CSMD3: variants seen among roughly 807,000 people sequenced by gnomAD.
CSMD3 encodes CUB and sushi domain-containing protein 3.
Under a neutral mutation model 435.2 loss-of-function variants are expected in CSMD3, and 177 were observed. The observed-to-expected ratio is 0.41, with a 90% CI of 0.36 to 0.46. The LOEUF (loss-of-function observed/expected upper bound fraction) is 0.46, where lower values mean the gene tolerates loss of function less well. CSMD3 is among the 20% of genes least tolerant of loss of function. The pLI is 0.34. For missense variants in CSMD3, 4,265 were observed against 4,504.6 expected (o/e 0.95, Z 1.52); for synonymous variants, 1,656 against 1,520.5 (o/e 1.09, Z -2.07).
In CSMD3 at chr8:112,666,179, C is replaced by A. The variant is rs1412786481; in HGVS notation, c.2816+98G>T. 3 of 963,184 alleles carry A rather than the reference C, an allele frequency of 3.1e-6. No homozygotes were observed. In the East Asian group the frequency reaches 7.8e-5, roughly 25 times the overall value. The allele number at this position is 963,184 out of a possible 1,614,324, so 59.7% of individuals were successfully genotyped here. On this transcript the variant is annotated intron_variant, in intron 17 of 70. Coordinates refer to ENST00000297405, the MANE Select transcript of CSMD3 (RefSeq NM_198123.2). Reference sequence around the variant, plus strand: ...TTCAAAGCACAGCAATTGACTATTACAATAAAATTAAACATTCATTTGGTA... The same window carrying A: ...TTCAAAGCACAGCAATTGACTATTAAAATAAAATTAAACATTCATTTGGTA...
chr8:112,903,687 C>A (rs1247831358), intron 10 of CSMD3, among the ~76,000 whole-genome samples: 2 of 151,182 alleles, frequency 1.3e-5, no homozygotes, highest in African/African-American at 2.4e-5. Context: ...TCTCTCATCA[C>A]CTGCTGGATG....
At chr8:112,836,545 T>C (rs1157906119) in intron 11 of CSMD3, among the ~76,000 whole-genome samples, 3 of 151,838 alleles carry the variant, frequency 2.0e-5, no homozygotes, top group Non-Finnish European at 4.4e-5. Flanking sequence ...GCTGAGAGGC[T>C]TTTGCAAAAT....
At chr8:112,926,597 C>T (rs2082919410) in intron 9 of CSMD3, among the ~76,000 whole-genome samples, 2 of 151,964 alleles carry the variant, frequency 1.3e-5, no homozygotes, top group Non-Finnish European at 2.9e-5. Flanking sequence ...ACTTATTTTG[C>T]AAAAACACCC....
intron 42 of CSMD3, 114 bp downstream of exon 42, chr8:112,341,363 G>GTTTT: frequency 3.3e-5 from 22 of 670,328 alleles, no homozygotes; most frequent in East Asian, 9.1e-5. Flanking sequence ...CTTGGCTTAA[G>GTTTT]TTTTTTTTTT....
At chr8:113,252,945 G>A (rs141781743) in intron 3 of CSMD3, among the ~76,000 whole-genome samples, 244 of 152,212 alleles carry the variant, frequency 1.6e-3, no homozygotes, top group African/African-American at 5.6e-3. Flanking sequence ...GAATGAGGGC[G>A]TAAGAACACG....
chr8:112,960,049 T>C (rs1245289019), intron 7 of CSMD3, among the ~76,000 whole-genome samples: 1 of 151,852 alleles, frequency 6.6e-6, no homozygotes, highest in East Asian at 1.9e-4. Flanking sequence ...TCATCAGAAT[T>C]ATCAGTTCTA....
intron 5 of CSMD3, among the ~76,000 whole-genome samples, chr8:113,074,636 G>C (rs1372353464): frequency 6.6e-6 from 1 of 151,878 alleles, no homozygotes; most frequent in Non-Finnish European, 1.5e-5. Flanking sequence ...AAGAAGGCTA[G>C]AGCCATGTGT....
Position 112,282,172 on chromosome 8 carries a change from C to T in CSMD3, c.9332-822G>A, listed in dbSNP as rs116045303. On this transcript the variant is annotated intron_variant, in intron 58 of 70. Coordinates refer to ENST00000297405, the MANE Select transcript of CSMD3 (RefSeq NM_198123.2). ...ATATGATTATAATTTCAGAAAATAC[C>T]ATCTGCATCTCTTGCTGCATCTTAA... 9.2e-3 allele frequency among the ~76,000 whole-genome samples: 1,390 copies of T among 151,624 alleles called. 24 individuals are homozygous for T. Among genetic ancestry groups the T allele is most frequent in the African/African-American group, 0.032 (1,336 of 41,364 alleles).
chr8:113,093,220 T>A (rs2090060882), intron 5 of CSMD3, among the ~76,000 whole-genome samples: 1 of 152,054 alleles, frequency 6.6e-6, no homozygotes, highest in Non-Finnish European at 1.5e-5. Context: ...AATCACAAAA[T>A]CTTTAGATTG....
At chr8:112,416,340 C>A (rs1161475943) in intron 32 of CSMD3, among the ~76,000 whole-genome samples, 1 of 152,144 alleles carries the variant, frequency 6.6e-6, no homozygotes, top group Non-Finnish European at 1.5e-5. Flanking sequence ...TTCTCCTTTG[C>A]TTTCTACCAT....
chr8:112,741,281 C>T (rs1313520909), intron 13 of CSMD3, among the ~76,000 whole-genome samples: 8 of 151,756 alleles, frequency 5.3e-5, no homozygotes, highest in Admixed American at 5.3e-4. Context: ...TTGTAAAGAG[C>T]AAATGGTAAG....
rs564251525 is a variant in CSMD3 at position 112,243,518 on chromosome 8, C to A, written c.10402+876G>T. Among the ~76,000 whole-genome samples, 5 of 152,126 alleles carry A rather than the reference C, an allele frequency of 3.3e-5. No individual in the cohort carries two copies. The South Asian group carries it at 1.0e-3, about 32-fold the overall frequency. On this transcript the variant is annotated intron_variant, in intron 65 of 70. Coordinates refer to ENST00000297405, the MANE Select transcript of CSMD3 (RefSeq NM_198123.2). ...GGTGGACACTTCACCCAGATCTGGT[C>A]CAAATATTAATACCATATCACCCTG...
chr8:113,094,802 T>A (rs2131528599), intron 5 of CSMD3, among the ~76,000 whole-genome samples: 1 of 152,232 alleles, frequency 6.6e-6, no homozygotes, highest in Admixed American at 6.5e-5. Flanking sequence ...CCAGGTGCGG[T>A]AGCTCATGCC....
intron 1 of CSMD3, chr8:113,377,292 A>G (rs920445648): frequency 8.6e-6 from 2 of 233,020 alleles, no homozygotes; most frequent in Non-Finnish European, 1.6e-5. Flanking sequence ...GGATGCTGAA[A>G]TAAAGAAGTT....
chr8:112,787,807 C>A (rs754920026), intron 13 of CSMD3, among the ~76,000 whole-genome samples: 2 of 151,752 alleles, frequency 1.3e-5, no homozygotes, highest in African/African-American at 4.8e-5. Flanking sequence ...GTGGGGTGGT[C>A]GGGAGAGGAG....
chr8:112,919,439 A>G (rs2130608159), intron 10 of CSMD3, among the ~76,000 whole-genome samples: 1 of 152,020 alleles, frequency 6.6e-6, no homozygotes, highest in Non-Finnish European at 1.5e-5. Context: ...AATCAAAATG[A>G]GAGTCTTGAA....
chr8:112,455,115 T>C (rs1159346666), intron 32 of CSMD3, among the ~76,000 whole-genome samples: 1 of 152,048 alleles, frequency 6.6e-6, no homozygotes, highest in Non-Finnish European at 1.5e-5. Context: ...GAAAATAAAT[T>C]GTTCTACCAA....
intron 3 of CSMD3, among the ~76,000 whole-genome samples, chr8:113,225,451 G>T (rs1227351754): frequency 6.6e-6 from 1 of 151,460 alleles, no homozygotes; most frequent in Non-Finnish European, 1.5e-5. Flanking sequence ...AGAAGCCAGA[G>T]CAGTTTAGCT....
chr8:112,280,233 A>C lies in CSMD3; in HGVS notation c.9508+941T>G, dbSNP rs867855119. 2.0e-5 allele frequency among the ~76,000 whole-genome samples: 3 copies of C among 152,140 alleles called. 1 individual carries two copies. Among genetic ancestry groups the C allele is most frequent in the South Asian group, 2.1e-4 (1 of 4,830 alleles). On this transcript the variant is annotated intron_variant, in intron 59 of 70. Transcript: ENST00000297405. ...CTCCTTTGCTACAGAGGCTTCAGCA[A>C]CATCCTCTCATGATACTTAGAATCC...
Sources: gnomAD v4.1 joint callset for allele counts (sites outside exome capture counted in the v4.1 genomes callset) on GRCh38, gnomAD v4.1.1 for gene constraint, MANE v1.5 for transcripts, NCBI Gene and HGNC (gene_info 2026-07-23, HGNC 2026-07-21) for gene names.